Variants in PDE9A observed in about 807,000 individuals in gnomAD.
The protein encoded by PDE9A is phosphodiesterase 9A.
In PDE9A, 60 loss-of-function variants were observed where a neutral mutation model predicts 87.4. The ratio of observed to expected loss-of-function variants is 0.69; its 90% CI spans 0.56 to 0.85. The LOEUF is 0.85. PDE9A is among the 40% of genes least tolerant of loss of function. The pLI is 0.00. For synonymous variants in PDE9A, 272 were observed against 279.4 expected, an observed-to-expected ratio of 0.97 and a Z score of 0.27; for missense variants, 665 against 779.0, an observed-to-expected ratio of 0.85 and a Z score of 1.74.
chr21:42,688,230 A>G (rs1208781188), intron 3 of PDE9A, among the ~76,000 whole-genome samples: 3 of 152,194 alleles, frequency 2.0e-5, no homozygotes, highest in Non-Finnish European at 4.4e-5. Flanking sequence ...CTGCTTCTCA[A>G]CGGGAGGAGG....
Position 42,769,154 on chromosome 21 carries a change from A to G in PDE9A, c.1589A>G (p.Lys530Arg). The G allele has an allele frequency of 6.2e-7, 1 of 1,613,074 alleles. No individual in the cohort carries two copies. Among genetic ancestry groups the G allele is most frequent in the South Asian group, 1.1e-5 (1 of 90,964 alleles). Reference sequence around the variant, plus strand: ...ATCCCAATGTTTGAAACAGTGACCAAGGTGAGTAACTGTCACCACATGTCA... The same window carrying G: ...ATCCCAATGTTTGAAACAGTGACCAGGGTGAGTAACTGTCACCACATGTCA... ...VLIPMFETVT[K>R]LFPMVEEIML... Residue 530 changes from lysine to arginine, a missense_variant and splice_region_variant, in exon 17 of 20, where the codon AAG (lysine) becomes AGG (arginine). By Grantham distance (26) the Lys-to-Arg change is conservative. Transcript: ENST00000291539.
chr21:42,742,711 C>G (rs1290289941), intron 7 of PDE9A, among the ~76,000 whole-genome samples: 1 of 152,020 alleles, frequency 6.6e-6, no homozygotes, highest in Non-Finnish European at 1.5e-5. Context: ...GTGATCTGCC[C>G]ACCTCAGCCT....
At position 42,705,473 on chromosome 21, in the gene PDE9A, A is replaced by C. The variant is rs903981269; in HGVS notation, c.262+6462A>C. On this transcript the variant is annotated intron_variant, in intron 4 of 19. Coordinates refer to ENST00000291539, the MANE Select transcript of PDE9A (RefSeq NM_002606.3). This position sits in a 1 kb window ranked among gnomAD's most constrained non-coding sequence, Gnocchi z 4.3. ...GGAGCTGGCAGGGGAGATGCCTGTG[A>C]TGAGGATTGGGTGCTGTGATCACAG... Among the ~76,000 whole-genome samples the C allele has an allele frequency of 1.3e-5, 2 of 151,928 alleles. No homozygotes were observed. The highest frequency in any genetic ancestry group is 4.8e-5 in the African/African-American group (2 of 41,404).
Position 42,660,509 on chromosome 21 carries a change from C to T in PDE9A, c.69+6626C>T, listed in dbSNP as rs571678082. On this transcript the variant is annotated intron_variant, in intron 1 of 19. Coordinates refer to ENST00000291539, the MANE Select transcript of PDE9A (RefSeq NM_002606.3). The surrounding 1 kb of genome is among the most constrained non-coding windows in gnomAD (Gnocchi z 4.7). ...GCACAGGGTGGTGGATGAAAGACCACGCTCTGGGTACCGTGTACACCGCTC... is the reference window on the plus strand; with the variant it reads ...GCACAGGGTGGTGGATGAAAGACCATGCTCTGGGTACCGTGTACACCGCTC... Among the ~76,000 whole-genome samples the T allele has an allele frequency of 3.9e-5, 6 of 152,102 alleles. No individual in the cohort carries two copies. The East Asian group carries it at 5.8e-4, about 15-fold the overall frequency.
intron 1 of PDE9A, among the ~76,000 whole-genome samples, chr21:42,670,999 G>A (rs1189250117): frequency 6.6e-6 from 1 of 152,176 alleles, no homozygotes; most frequent in Admixed American, 6.5e-5. Flanking sequence ...ATGACAAGCT[G>A]AGAGATGATG....
intron 1 of PDE9A, among the ~76,000 whole-genome samples, chr21:42,674,458 T>C (rs1371790501): frequency 2.0e-5 from 3 of 152,016 alleles, no homozygotes; most frequent in African/African-American, 7.3e-5. Flanking sequence ...CAGAACTCCG[T>C]GTGACTCTCA....
intron 1 of PDE9A, among the ~76,000 whole-genome samples, chr21:42,666,404 ACT>A (rs2057994389): frequency 1.3e-5 from 2 of 151,974 alleles, no homozygotes. Flanking sequence ...AGCCCATCTG[ACT>A]CAGCAGCTGG....
intron 1 of PDE9A, among the ~76,000 whole-genome samples, chr21:42,666,527 A>C (rs1353862558): frequency 6.6e-6 from 1 of 152,078 alleles, no homozygotes; most frequent in Non-Finnish European, 1.5e-5. Flanking sequence ...GTCACAAAGG[A>C]CCACAGGCCC....
intron 3 of PDE9A, among the ~76,000 whole-genome samples, chr21:42,689,326 C>T (rs924922770): frequency 5.3e-5 from 8 of 152,274 alleles, no homozygotes; most frequent in African/African-American, 9.6e-5. Context: ...ATGCCCGTCT[C>T]CTGCCCCACA....
At chr21:42,686,927 C>T (rs1375703569) in intron 2 of PDE9A, among the ~76,000 whole-genome samples, 7 of 152,222 alleles carry the variant, frequency 4.6e-5, no homozygotes, top group African/African-American at 1.7e-4. Context: ...CACATCACCC[C>T]ATAGGTGCCT....
chr21:42,734,923 C>T (rs189260080), intron 7 of PDE9A, among the ~76,000 whole-genome samples: 5 of 152,302 alleles, frequency 3.3e-5, no homozygotes, highest in East Asian at 1.9e-4. Context: ...CCTTCTGGAA[C>T]GAGTCACTTC....
At chr21:42,657,517 C>T (rs1168264187) in intron 1 of PDE9A, among the ~76,000 whole-genome samples, 2 of 152,252 alleles carry the variant, frequency 1.3e-5, no homozygotes, top group African/African-American at 2.4e-5. Flanking sequence ...CCCTGGGGGG[C>T]CCTGGCTGCA....
chr21:42,723,931 T>C lies in PDE9A; in HGVS notation c.263-7839T>C, dbSNP rs1473977678. Among the ~76,000 whole-genome samples the C allele has an allele frequency of 6.6e-6, 1 of 152,224 alleles. No individual in the cohort carries two copies. The highest frequency in any genetic ancestry group is 2.4e-5 in the African/African-American group (1 of 41,450). Reference sequence around the variant, plus strand: ...AATAGGCTTTAATTTTTAAAATTCATTATACGTCCTGCAGCATTTAGGAAA... The same window carrying C: ...AATAGGCTTTAATTTTTAAAATTCACTATACGTCCTGCAGCATTTAGGAAA... On this transcript the variant is annotated intron_variant, in intron 4 of 19. Coordinates refer to ENST00000291539, the MANE Select transcript of PDE9A (RefSeq NM_002606.3). The surrounding 1 kb of genome is among the most constrained non-coding windows in gnomAD (Gnocchi z 4.3).
At chr21:42,703,051 G>A (rs1176375551) in intron 4 of PDE9A, among the ~76,000 whole-genome samples, 2 of 152,232 alleles carry the variant, frequency 1.3e-5, no homozygotes, top group Non-Finnish European at 2.9e-5. Flanking sequence ...CGGGGTGGGG[G>A]CCATGGAGGT....
chr21:42,672,730 G>T (rs1045142573), intron 1 of PDE9A, among the ~76,000 whole-genome samples: 6 of 152,340 alleles, frequency 3.9e-5, no homozygotes, highest in African/African-American at 1.2e-4. Flanking sequence ...TTCATCCGAC[G>T]CGGTTGATCT....
chr21:42,714,266 C>T (rs1400866598), intron 4 of PDE9A, among the ~76,000 whole-genome samples: 1 of 152,160 alleles, frequency 6.6e-6, no homozygotes, highest in Non-Finnish European at 1.5e-5. Flanking sequence ...ATCCACCTGC[C>T]TTGACCTCCC....
At position 42,739,253 on chromosome 21, in the gene PDE9A, G is replaced by T. The variant is rs1011771684; in HGVS notation, c.569-4523G>T. ...GACGTCCAGGCTCCACGGTAGGGCC[G>T]TCCTGCTGCTGTCTGCAGACCTCTC... On this transcript the variant is annotated intron_variant, in intron 7 of 19. Coordinates refer to ENST00000291539, the MANE Select transcript of PDE9A (RefSeq NM_002606.3). This position sits in a 1 kb window ranked among gnomAD's most constrained non-coding sequence, Gnocchi z 4.1. 1.3e-5 allele frequency among the ~76,000 whole-genome samples: 2 copies of T among 152,230 alleles called. No individual in the cohort carries two copies. Among genetic ancestry groups the T allele is most frequent in the African/African-American group, 4.8e-5 (2 of 41,470 alleles).
chr21:42,676,839 G>A (rs745459650), intron 1 of PDE9A, among the ~76,000 whole-genome samples: 6 of 152,306 alleles, frequency 3.9e-5, no homozygotes, highest in Non-Finnish European at 7.3e-5. Context: ...TCAGTTTGAC[G>A]TTTATAATTA....
chr21:42,717,902 T>G (rs62215422), intron 4 of PDE9A, among the ~76,000 whole-genome samples: 5 of 25,310 alleles, frequency 2.0e-4, no homozygotes, highest in Non-Finnish European at 2.7e-4. Context: ...TTCTTTGGGG[T>G]TTGTTTGTTT....
Sources: allele counts gnomAD v4.1 joint callset (sites outside exome capture counted in the v4.1 genomes callset), GRCh38; gene constraint gnomAD v4.1.1; non-coding constraint Gnocchi (gnomAD v3.1); transcripts MANE v1.5; gene names NCBI Gene and HGNC (gene_info 2026-07-23, HGNC 2026-07-21).